Variants in CELF2 observed in about 807,000 individuals in gnomAD.
CELF2 encodes the protein CUGBP Elav-like family member 2.
A neutral mutation model predicts 62.6 loss-of-function variants in CELF2; 8 were observed. The ratio of observed to expected loss-of-function variants is 0.13; its 90% CI spans 0.07 to 0.23. The LOEUF (loss-of-function observed/expected upper bound fraction) is 0.23. CELF2 is among the 10% of genes least tolerant of loss of function. The probability of loss-of-function intolerance (pLI) is 1.00; values close to 1 mark genes in which losing one functional copy is unlikely to be tolerated. For missense variants in CELF2, 333 were observed against 671.0 expected, an observed-to-expected ratio of 0.50 and a Z score of 5.56; for synonymous variants, 258 against 250.0, an observed-to-expected ratio of 1.03 and a Z score of -0.30.
At position 11,309,566 on chromosome 10, in the gene CELF2, G is replaced by A. The variant is rs76401682; in HGVS notation, c.977-4573G>A. Among the ~76,000 whole-genome samples, 4,035 of 152,162 alleles carry A rather than the reference G, an allele frequency of 0.027. 172 individuals are homozygous for A. Among genetic ancestry groups the A allele is most frequent in the African/African-American group, 0.091 (3,768 of 41,496 alleles). On this transcript the variant is annotated intron_variant, in intron 9 of 12. Coordinates refer to ENST00000633077, the MANE Select transcript of CELF2 (RefSeq NM_001326342.2). This position sits in a 1 kb window ranked among gnomAD's most constrained non-coding sequence, Gnocchi z 5.6. ...CCTCCACTAATCTTCAGTTGTTTGC[G>A]CTATTATTTTTGGCCCAGGAGCATA...
At chr10:11,116,866 TACACA>T (rs1370382401) in intron 1 of CELF2, among the ~76,000 whole-genome samples, 1 of 152,164 alleles carries the variant, frequency 6.6e-6, no homozygotes, top group African/African-American at 2.4e-5. Context: ...AACCAACACT[TACACA>T]ACACCTAAAC....
intron 1 of CELF2, among the ~76,000 whole-genome samples, chr10:10,888,431 C>A (rs1046998572): frequency 3.3e-5 from 5 of 152,186 alleles, no homozygotes; most frequent in Admixed American, 1.3e-4. Flanking sequence ...TAAAAATTGC[C>A]ATGTGATTAT....
the CELF2 span, among the ~76,000 whole-genome samples, chr10:10,672,590 A>C: frequency 2.0e-5 from 3 of 151,840 alleles, no homozygotes; most frequent in African/African-American, 7.3e-5. Context: ...CTCCATTGTC[A>C]AAAATCAGTT....
the CELF2 span, among the ~76,000 whole-genome samples, chr10:10,555,402 C>T: frequency 6.6e-6 from 1 of 151,628 alleles, no homozygotes; most frequent in Non-Finnish European, 1.5e-5. Context: ...AAAAAGGAAC[C>T]GTGTCTGTAT....
At chr10:10,546,776 CT>C in the CELF2 span, among the ~76,000 whole-genome samples, 1,603 of 146,686 alleles carry the variant, frequency 0.011, 31 homozygotes, top group African/African-American at 0.036. Context: ...CCTGATAGAC[CT>C]TTTTTTTTTT....
the CELF2 span, among the ~76,000 whole-genome samples, chr10:10,583,838 G>A: frequency 0.32 from 47,997 of 152,014 alleles, 7,980 homozygotes; most frequent in East Asian, 0.6. Flanking sequence ...AAAGATGAGG[G>A]TGTAACTGGG....
intron 2 of CELF2, among the ~76,000 whole-genome samples, chr10:10,967,030 A>C (rs913238471): frequency 1.3e-5 from 2 of 152,236 alleles, no homozygotes; most frequent in Non-Finnish European, 2.9e-5. Flanking sequence ...AACAGAGTTT[A>C]ATTGAGCAAA....
chr10:10,757,448 C>T, the CELF2 span, among the ~76,000 whole-genome samples: 5 of 151,908 alleles, frequency 3.3e-5, no homozygotes, highest in East Asian at 7.7e-4. Context: ...TAAAACAGTA[C>T]AATAAAATAA....
chr10:11,193,196 A>G (rs1203228356), intron 2 of CELF2, among the ~76,000 whole-genome samples: 2 of 152,098 alleles, frequency 1.3e-5, no homozygotes, highest in Non-Finnish European at 2.9e-5. Flanking sequence ...GGAGAGCTGG[A>G]TTTTCTCAGG....
intron 1 of CELF2, among the ~76,000 whole-genome samples, chr10:10,911,222 AGCCAGG>A (rs1174177232): frequency 2.3e-4 from 35 of 152,238 alleles, no homozygotes. Flanking sequence ...TACAGATGCC[AGCCAGG>A]GCCGGATGGG....
intron 1 of CELF2, among the ~76,000 whole-genome samples, chr10:11,093,381 T>C (rs1189102532): frequency 6.6e-6 from 1 of 152,174 alleles, no homozygotes; most frequent in East Asian, 1.9e-4. Flanking sequence ...TCACAAAGGG[T>C]ATTGTGAAAT....
intron 1 of CELF2, among the ~76,000 whole-genome samples, chr10:11,072,560 A>G (rs570936024): frequency 2.0e-5 from 3 of 152,306 alleles, no homozygotes; most frequent in Non-Finnish European, 4.4e-5. Context: ...TGAGCATAAG[A>G]GACTCTGGGT....
chr10:10,846,932 C>T (rs10905844), intron 1 of CELF2, among the ~76,000 whole-genome samples: 1 of 152,028 alleles, frequency 6.6e-6, no homozygotes, highest in East Asian at 1.9e-4. Flanking sequence ...GTTTGTAATG[C>T]CTTCTTGCAA....
At chr10:11,283,666 T>G (rs1343742876) in intron 8 of CELF2, among the ~76,000 whole-genome samples, 1 of 148,928 alleles carries the variant, frequency 6.7e-6, no homozygotes. Context: ...GGGTGGATAA[T>G]GGGTGGGTGG....
chr10:11,080,530 A>G (rs2073722551), intron 1 of CELF2, among the ~76,000 whole-genome samples: 1 of 152,224 alleles, frequency 6.6e-6, no homozygotes, highest in East Asian at 1.9e-4. Flanking sequence ...TATAAAAATA[A>G]GTAGACTTTG....
chr10:10,627,209 A>G, the CELF2 span, among the ~76,000 whole-genome samples: 18 of 152,300 alleles, frequency 1.2e-4, 1 homozygote, highest in South Asian at 4.1e-4. Flanking sequence ...TATATCTCAG[A>G]CCCTCAAACT....
intron 2 of CELF2, among the ~76,000 whole-genome samples, chr10:10,969,405 G>C (rs77336651): frequency 5.9e-5 from 9 of 152,168 alleles, no homozygotes; most frequent in Non-Finnish European, 1.3e-4. Context: ...CCAGTAGATG[G>C]AGAAGGCATA....
intron 1 of CELF2, among the ~76,000 whole-genome samples, chr10:11,162,284 G>A (rs890346094): frequency 4.6e-5 from 7 of 151,986 alleles, no homozygotes; most frequent in African/African-American, 1.2e-4. Context: ...CACCCATTTC[G>A]GCAGCGCCAG....
chr10:11,203,513 T>G (rs2059744052), intron 2 of CELF2, among the ~76,000 whole-genome samples: 1 of 152,142 alleles, frequency 6.6e-6, no homozygotes. Flanking sequence ...AGTAAGGCAG[T>G]GTTTGGCAAG....
Sources: allele counts gnomAD v4.1 joint callset (sites outside exome capture counted in the v4.1 genomes callset), GRCh38; gene constraint gnomAD v4.1.1; non-coding constraint Gnocchi (gnomAD v3.1); transcripts MANE v1.5; gene names NCBI Gene and HGNC (gene_info 2026-07-23, HGNC 2026-07-21).